RNF144A: variants seen among roughly 807,000 people sequenced by gnomAD.
RNF144A encodes ring finger protein 144A, also known as E3 ubiquitin-protein ligase RNF144A.
A neutral mutation model predicts 38.7 loss-of-function variants in RNF144A; 11 were observed. The observed-to-expected ratio is 0.28, with a 90% confidence interval of 0.18 to 0.47. The LOEUF is 0.47. Ranked by LOEUF, RNF144A falls within the 20% of genes least tolerant of loss-of-function variation. RNF144A has a pLI of 0.99. For synonymous variants in RNF144A, 149 were observed against 143.9 expected, an observed-to-expected ratio of 1.04 and a Z score of -0.25; for missense variants, 316 against 377.2, an observed-to-expected ratio of 0.84 and a Z score of 1.34.
In RNF144A at chr2:6,925,008, C is replaced by A. The variant is rs534775713; in HGVS notation, c.-212+7386C>A. On this transcript the variant is annotated intron_variant, in intron 1 of 8. Coordinates refer to ENST00000320892, the MANE Select transcript of RNF144A (RefSeq NM_014746.6). ...GGAGAATGTCAGGAAGCACCTGGGT[C>A]CTTCTGTGAGTTTTCTGGCGACCTC... is the stretch of plus-strand genomic sequence containing the variant. Among the ~76,000 whole-genome samples, 8 of 152,228 alleles carry A rather than the reference C, an allele frequency of 5.3e-5. No individual in the cohort carries two copies. The South Asian group carries it at 1.2e-3, about 24-fold the overall frequency.
chr2:7,045,907 C>CA (rs200695860), downstream of RNF144A, among the ~76,000 whole-genome samples: 1 of 151,844 alleles, frequency 6.6e-6, no homozygotes, highest in South Asian at 2.1e-4. Flanking sequence ...GAATTGCCCC[C>CA]CAGAAAACAC....
intron 1 of RNF144A, among the ~76,000 whole-genome samples, chr2:6,921,112 G>C (rs1448656396): frequency 5.9e-5 from 9 of 152,218 alleles, no homozygotes; most frequent in South Asian, 4.1e-4. Context: ...TTTCAGAAGA[G>C]TGGATTTTTT....
intron 2 of RNF144A, among the ~76,000 whole-genome samples, chr2:6,946,734 A>AT (rs1224419576): frequency 1.3e-5 from 2 of 152,138 alleles, no homozygotes; most frequent in African/African-American, 4.8e-5. Flanking sequence ...ACGTATTAAG[A>AT]TTTTTTTCAA....
chr2:7,045,047 G>A (rs1229750359), downstream of RNF144A, among the ~76,000 whole-genome samples: 2 of 152,240 alleles, frequency 1.3e-5, no homozygotes, highest in Admixed American at 6.5e-5. Context: ...GAAGGTCAGG[G>A]AAGGCTGTCC....
intron 6 of RNF144A, among the ~76,000 whole-genome samples, chr2:7,065,250 C>T (rs1674161816): frequency 1.3e-5 from 2 of 152,166 alleles, no homozygotes; most frequent in South Asian, 4.1e-4. Context: ...CTCTTGGTTC[C>T]AAATCCAAAT....
intron 1 of RNF144A, among the ~76,000 whole-genome samples, chr2:6,931,627 C>T (rs562167706): frequency 6.6e-6 from 1 of 152,258 alleles, no homozygotes; most frequent in Non-Finnish European, 1.5e-5. Flanking sequence ...CATTTTTTCT[C>T]TAATTTTCTG....
rs915377531 is a variant in RNF144A at position 7,014,575 on chromosome 2, A to T, written c.240+17A>T. ...GAGAACGAGGCATGTGCAATTGAACAGACTGGGCTGTTTGATGTGCACAGG... is the reference window on the plus strand; with the variant it reads ...GAGAACGAGGCATGTGCAATTGAACTGACTGGGCTGTTTGATGTGCACAGG... On this transcript the variant is annotated intron_variant, in intron 4 of 8. Coordinates refer to ENST00000320892, the MANE Select transcript of RNF144A (RefSeq NM_014746.6). 1 of 1,577,994 alleles carries T rather than the reference A, an allele frequency of 6.3e-7. No individual in the cohort carries two copies.
At chr2:7,017,495 A>T (rs756880023) in intron 5 of RNF144A, among the ~76,000 whole-genome samples, 23 of 152,158 alleles carry the variant, frequency 1.5e-4, no homozygotes, top group Non-Finnish European at 2.6e-4. Flanking sequence ...TAGTAAGTGC[A>T]GGGATGAGAG....
At chr2:7,056,615 C>T (rs1673749944) in intron 6 of RNF144A, among the ~76,000 whole-genome samples, 1 of 152,156 alleles carries the variant, frequency 6.6e-6, no homozygotes, top group African/African-American at 2.4e-5. Flanking sequence ...TGGCCCCATT[C>T]CACTTTTCGG....
intron 6 of RNF144A, among the ~76,000 whole-genome samples, chr2:7,052,349 A>G (rs951817628): frequency 2.6e-5 from 4 of 152,208 alleles, no homozygotes; most frequent in Non-Finnish European, 4.4e-5. Context: ...CAAAAGTGCT[A>G]CAAATAAATA....
At chr2:7,025,394 C>G (rs1671817891) in intron 7 of RNF144A, among the ~76,000 whole-genome samples, 1 of 152,200 alleles carries the variant, frequency 6.6e-6, no homozygotes, top group Non-Finnish European at 1.5e-5. Flanking sequence ...TATAATTAGG[C>G]CAGCCTCGGT....
chr2:6,938,727 C>T (rs1665764976), intron 1 of RNF144A, among the ~76,000 whole-genome samples: 3 of 152,194 alleles, frequency 2.0e-5, no homozygotes, highest in Admixed American at 2.0e-4. Flanking sequence ...CCTTAGCACT[C>T]ACTTCTTATT....
At chr2:7,055,232 C>A (rs553720620) in intron 6 of RNF144A, among the ~76,000 whole-genome samples, 2 of 152,326 alleles carry the variant, frequency 1.3e-5, no homozygotes, top group African/African-American at 4.8e-5. Context: ...TAGCTCTTCT[C>A]AGTAAGCTTT....
chr2:6,918,952 C>T (rs1664354431), intron 1 of RNF144A, among the ~76,000 whole-genome samples: 1 of 151,968 alleles, frequency 6.6e-6, no homozygotes, highest in Admixed American at 6.6e-5. Context: ...AAACACTTCC[C>T]GTAATGGGGC....
chr2:6,932,009 G>T (rs1338118662), intron 1 of RNF144A, among the ~76,000 whole-genome samples: 1 of 152,116 alleles, frequency 6.6e-6, no homozygotes, highest in East Asian at 1.9e-4. Flanking sequence ...CTGATAAAGG[G>T]GTGTTAAAGT....
intron 2 of RNF144A, among the ~76,000 whole-genome samples, chr2:6,965,400 C>T (rs1328840854): frequency 2.0e-5 from 3 of 152,312 alleles, no homozygotes; most frequent in East Asian, 1.9e-4. Flanking sequence ...GCCTACAGCA[C>T]CAGACCCCTC....
Position 7,030,122 on chromosome 2 carries a change from A to T in RNF144A, c.658-4A>T. ...CATGCCGTCTCTGTCTCTGCCCCTC[A>T]CAGGATGATTTCCTTCTGATACACT... On this transcript the variant is annotated splice_region_variant and splice_polypyrimidine_tract_variant and intron_variant, in intron 7 of 8. Coordinates refer to ENST00000320892, the MANE Select transcript of RNF144A (RefSeq NM_014746.6). 1 of 1,610,460 alleles carries T rather than the reference A, an allele frequency of 6.2e-7. No individual in the cohort carries two copies. The highest frequency in any genetic ancestry group is 8.5e-7 in the Non-Finnish European group (1 of 1,176,806).
intron 3 of RNF144A, among the ~76,000 whole-genome samples, chr2:7,002,039 C>T (rs535054043): frequency 1.3e-5 from 2 of 152,248 alleles, no homozygotes; most frequent in South Asian, 4.1e-4. Context: ...TATATATTTG[C>T]AAGATCATTG....
chr2:7,024,524 C>G lies in RNF144A; in HGVS notation c.657+8C>G, dbSNP rs201758284. On this transcript the variant is annotated splice_region_variant and intron_variant, in intron 7 of 8. Transcript: ENST00000320892. ...TGCCTGGAGTCTCTGGACGTGAGTA[C>G]GGCCTTCAGCTTCACCTTGCGGCAT... is the stretch of plus-strand genomic sequence containing the variant. 5.6e-6 allele frequency: 9 copies of G among 1,593,110 alleles called. No homozygotes were observed. In the East Asian group the frequency reaches 1.6e-4, roughly 28 times the overall value.
Sources: gnomAD v4.1 joint callset for allele counts (sites outside exome capture counted in the v4.1 genomes callset) on GRCh38, gnomAD v4.1.1 for gene constraint, MANE v1.5 for transcripts, NCBI Gene and HGNC (gene_info 2026-07-23, HGNC 2026-07-21) for gene names.